Variants in BACH2 observed in about 807,000 individuals in gnomAD.
BACH2 encodes BACH transcriptional regulator 2.
A neutral mutation model predicts 61.8 loss-of-function variants in BACH2; 5 were observed. That is an observed-to-expected ratio of 0.08 (90% confidence interval 0.04 to 0.17). The LOEUF is 0.17. Ranked by LOEUF, BACH2 falls within the 10% of genes least tolerant of loss-of-function variation. The pLI, the probability that BACH2 is intolerant of heterozygous loss-of-function variation, is 1.00. For missense variants in BACH2, 824 were observed against 1,091.1 expected (o/e 0.76, Z 3.45); for synonymous variants, 446 against 440.1 (o/e 1.01, Z -0.17).
rs200675044 is a variant in BACH2, at chr6:90,092,280, T to TAA, written c.-161-3173_-161-3172dup. Among the ~76,000 whole-genome samples, 18 of 77,196 alleles carry TAA rather than the reference T, an allele frequency of 2.3e-4. 2 individuals carry two copies. The East Asian group carries it at 5.9e-3, about 25-fold the overall frequency. 50.6% of individuals were successfully genotyped at this position (77,196 alleles called of 152,430 possible). On this transcript the variant is annotated intron_variant, in intron 4 of 8. Coordinates refer to ENST00000257749, the MANE Select transcript of BACH2 (RefSeq NM_021813.4). ...CTGTGCAATTGGCACACTGTCAAAG[T>TAA]AAAAAAAAAAAATATATATATATAT... is the stretch of plus-strand genomic sequence containing the variant.
intron 1 of BACH2, among the ~76,000 whole-genome samples, chr6:90,274,062 C>T (rs1375758408): frequency 6.6e-6 from 1 of 152,162 alleles, no homozygotes; most frequent in Non-Finnish European, 1.5e-5. Flanking sequence ...ATTAAACAGA[C>T]AGATAGGGGA....
chr6:90,087,887 C>T (rs1156935378), intron 5 of BACH2, among the ~76,000 whole-genome samples: 1 of 152,008 alleles, frequency 6.6e-6, no homozygotes, highest in Non-Finnish European at 1.5e-5. Context: ...ACAAACAATC[C>T]AATTACACAT....
intron 4 of BACH2, among the ~76,000 whole-genome samples, chr6:90,137,533 A>G (rs958167350): frequency 1.3e-5 from 2 of 152,228 alleles, no homozygotes; most frequent in Non-Finnish European, 2.9e-5. Flanking sequence ...GAACCAAACC[A>G]GGCTCCAGTC....
At chr6:90,061,064 T>TA (rs138899142) in intron 5 of BACH2, among the ~76,000 whole-genome samples, 399 of 152,330 alleles carry the variant, frequency 2.6e-3, no homozygotes, top group African/African-American at 9.1e-3. Context: ...AGGTCCTCTT[T>TA]AAAAGTTTTT....
chr6:90,099,329 G>A (rs1782517112), intron 4 of BACH2, among the ~76,000 whole-genome samples: 1 of 152,296 alleles, frequency 6.6e-6, no homozygotes, highest in Admixed American at 6.5e-5. Context: ...TTTGAACAAA[G>A]GCTCAGTTTC....
intron 4 of BACH2, among the ~76,000 whole-genome samples, chr6:90,135,894 C>A (rs1318987237): frequency 6.6e-6 from 1 of 152,198 alleles, no homozygotes; most frequent in Non-Finnish European, 1.5e-5. Context: ...TCGTCTCTGA[C>A]CCTTTCCACT....
At chr6:90,287,421 A>C (rs1010472678) in intron 1 of BACH2, among the ~76,000 whole-genome samples, 3 of 152,120 alleles carry the variant, frequency 2.0e-5, no homozygotes, top group Non-Finnish European at 4.4e-5. Context: ...GATAATATAG[A>C]ATTTCAGGTT....
chr6:90,149,126 AGT>A (rs1379249596), intron 4 of BACH2, among the ~76,000 whole-genome samples: 1 of 152,198 alleles, frequency 6.6e-6, no homozygotes, highest in African/African-American at 2.4e-5. Flanking sequence ...ATGATTTGAG[AGT>A]GTGAGTTCAA....
rs77364237 is a variant in BACH2 at position 90,066,018 on chromosome 6, T to G, written c.-13+22943A>C. Among the ~76,000 whole-genome samples, 1,390 of 152,286 alleles carry G rather than the reference T, an allele frequency of 9.1e-3. 25 individuals are homozygous for G. Among genetic ancestry groups the G allele is most frequent in the African/African-American group, 0.032 (1,335 of 41,554 alleles). On this transcript the variant is annotated intron_variant, in intron 5 of 8. Transcript: ENST00000257749. The stretch of plus-strand genomic sequence containing the variant: ...ATGACAGTTCCCTAAAGATTCCTGT[T>G]TCCTTTTCACTGCCCTTCTTTATGC...
chr6:89,998,030 T>C (rs917646582), intron 6 of BACH2, among the ~76,000 whole-genome samples: 2 of 152,244 alleles, frequency 1.3e-5, no homozygotes, highest in Admixed American at 6.5e-5. Context: ...TGACATTTAA[T>C]AGCTGTCCTT....
intron 5 of BACH2, among the ~76,000 whole-genome samples, chr6:90,026,686 G>A (rs1050750996): frequency 6.6e-6 from 1 of 152,120 alleles, no homozygotes; most frequent in Non-Finnish European, 1.5e-5. Context: ...CTCTACTGTT[G>A]CCTGCCCCAG....
At chr6:90,069,955 G>A (rs1781147678) in intron 5 of BACH2, among the ~76,000 whole-genome samples, 1 of 152,146 alleles carries the variant, frequency 6.6e-6, no homozygotes, top group Admixed American at 6.5e-5. Context: ...TGGCAGAGGT[G>A]GGTGAGAAAG....
At chr6:90,284,506 T>G (rs1356247511) in intron 1 of BACH2, among the ~76,000 whole-genome samples, 1 of 152,240 alleles carries the variant, frequency 6.6e-6, no homozygotes, top group African/African-American at 2.4e-5. Flanking sequence ...GATTGTAGTC[T>G]GCACCAGTAT....
chr6:90,191,529 C>T (rs569358407), intron 4 of BACH2, among the ~76,000 whole-genome samples: 2 of 152,278 alleles, frequency 1.3e-5, no homozygotes, highest in South Asian at 2.1e-4. Context: ...TCAACAAATA[C>T]GCTTAGGACA....
rs374825480 is a variant in BACH2, at chr6:89,951,596, C to T, written c.510G>A (p.Thr170=). ...CCATCTTGGCCGTCTCTGAATCCAT[C>T]GTCTCCTCCTCTTCATCCTCCTCCT... is the stretch of plus-strand genomic sequence containing the variant. ...AGEEEDEEEE[T]MDSETAKMAC... The change falls in exon 7 of 9, where the codon ACG becomes ACA. Residue 170 remains threonine, a synonymous_variant. Transcript: ENST00000257749. This position sits in a 1 kb window ranked among gnomAD's most constrained non-coding sequence, Gnocchi z 6.4. The T allele has an allele frequency of 4.3e-6, 7 of 1,614,174 alleles. No homozygotes were observed. Among genetic ancestry groups the T allele is most frequent in the Non-Finnish European group, 5.9e-6 (7 of 1,180,040 alleles).
rs1772607222 is a variant in BACH2 at position 89,930,866 on chromosome 6, A to G, written c.*1542T>C. On this transcript the variant is annotated 3_prime_UTR_variant, in exon 9 of 9. Coordinates refer to ENST00000257749, the MANE Select transcript of BACH2 (RefSeq NM_021813.4). ...GAAGAAAACTCCAAGCCTTTGGAGAAGGAAAGGAGAAAGAATGTGTCAGCC... is the reference window on the plus strand; with the variant it reads ...GAAGAAAACTCCAAGCCTTTGGAGAGGGAAAGGAGAAAGAATGTGTCAGCC... 6.6e-6 allele frequency: 1 copy of G among 152,424 alleles called. No individual in the cohort carries two copies. The highest frequency in any genetic ancestry group is 1.5e-5 in the Non-Finnish European group (1 of 68,076). 9.4% of individuals were successfully genotyped at this position (152,424 alleles called of 1,614,324 possible). A position where few individuals can be genotyped will look rare whatever the true frequency, so the allele number is the denominator to read the frequency against.
rs549655253 is a variant in BACH2, at chr6:89,947,841, C to G, written c.1836+2429G>C. Among the ~76,000 whole-genome samples the G allele has an allele frequency of 5.3e-3, 801 of 152,088 alleles. 6 individuals carry two copies. Among genetic ancestry groups the G allele is most frequent in the South Asian group, 0.01 (49 of 4,820 alleles). On this transcript the variant is annotated intron_variant, in intron 7 of 8. Transcript: ENST00000257749. ...CCGCCTCGGCCTCCCAAAGTGCTGG[C>G]ATTACAGGTGTGAGCCACCGCGCCC...
At chr6:89,940,493 C>T (rs564511898) in intron 7 of BACH2, among the ~76,000 whole-genome samples, 2 of 152,304 alleles carry the variant, frequency 1.3e-5, no homozygotes, top group South Asian at 4.1e-4. Flanking sequence ...GATTCAGCAG[C>T]TTCTGGGTTC....
At chr6:89,988,915 A>AT (rs1467904098) in intron 6 of BACH2, among the ~76,000 whole-genome samples, 1 of 152,184 alleles carries the variant, frequency 6.6e-6, no homozygotes, top group African/African-American at 2.4e-5. Flanking sequence ...CTGGGTTAAA[A>AT]TTTTTTGGGT....
Sources: allele counts gnomAD v4.1 joint callset (sites outside exome capture counted in the v4.1 genomes callset), GRCh38; gene constraint gnomAD v4.1.1; non-coding constraint Gnocchi (gnomAD v3.1); transcripts MANE v1.5; gene names NCBI Gene and HGNC (gene_info 2026-07-23, HGNC 2026-07-21).